CAMTA1: variants seen among roughly 807,000 people sequenced by gnomAD.
CAMTA1 encodes the protein calmodulin-binding transcription activator 1.
CAMTA1 carries 27 observed loss-of-function variants against 170.9 expected under a neutral mutation model. The observed-to-expected ratio is 0.16, with a 90% CI of 0.12 to 0.22. CAMTA1 has a LOEUF of 0.22. Ranked by LOEUF, CAMTA1 falls within the 10% of genes least tolerant of loss-of-function variation. CAMTA1 has a pLI of 1.00. For synonymous variants in CAMTA1, 833 were observed against 891.5 expected (o/e 0.93, Z 1.17); for missense variants, 1,619 against 2,217.2 (o/e 0.73, Z 5.42).
intron 6 of CAMTA1, among the ~76,000 whole-genome samples, chr1:7,541,910 A>G (rs1266455151): frequency 6.6e-6 from 1 of 152,328 alleles, no homozygotes; most frequent in East Asian, 1.9e-4. Flanking sequence ...AGATAAGTCC[A>G]TGAAGTCACC....
intron 3 of CAMTA1, among the ~76,000 whole-genome samples, chr1:6,848,917 C>A (rs1216493248): frequency 6.6e-6 from 1 of 152,100 alleles, no homozygotes; most frequent in Non-Finnish European, 1.5e-5. Context: ...GATAAATGGG[C>A]TCATAGGAGA....
intron 7 of CAMTA1, among the ~76,000 whole-genome samples, chr1:7,657,840 T>G (rs1393132015): frequency 1.3e-5 from 2 of 152,208 alleles, no homozygotes; most frequent in Non-Finnish European, 2.9e-5. Context: ...TAATTTGCAT[T>G]AAGCATCTAG....
intron 4 of CAMTA1, among the ~76,000 whole-genome samples, chr1:7,227,420 T>C (rs1421949882): frequency 6.6e-6 from 1 of 152,072 alleles, no homozygotes; most frequent in Non-Finnish European, 1.5e-5. Context: ...CTCTGCCTTC[T>C]GGGTTCAAGC....
At chr1:7,124,191 C>T (rs1253666644) in intron 4 of CAMTA1, among the ~76,000 whole-genome samples, 1 of 152,144 alleles carries the variant, frequency 6.6e-6, no homozygotes, top group Non-Finnish European at 1.5e-5. Flanking sequence ...CCCTTGGCAA[C>T]AAGCTGTTCT....
At chr1:7,620,554 G>A (rs1441938721) in intron 6 of CAMTA1, among the ~76,000 whole-genome samples, 2 of 152,230 alleles carry the variant, frequency 1.3e-5, no homozygotes, top group East Asian at 3.8e-4. Flanking sequence ...AAAAGAGAGA[G>A]AGAGAATATA....
intron 3 of CAMTA1, among the ~76,000 whole-genome samples, chr1:7,056,645 G>A (rs1274523194): frequency 6.6e-6 from 1 of 152,070 alleles, no homozygotes; most frequent in Non-Finnish European, 1.5e-5. Flanking sequence ...CCTCAAGGGA[G>A]GAGCTCAGAG....
chr1:7,623,089 AC>A (rs1270403043), intron 6 of CAMTA1, among the ~76,000 whole-genome samples: 1 of 151,274 alleles, frequency 6.6e-6, no homozygotes, highest in African/African-American at 2.4e-5. Flanking sequence ...TTCTCCACCC[AC>A]CCCCATTTTT....
chr1:7,750,546 C>T (rs957704014), intron 19 of CAMTA1, among the ~76,000 whole-genome samples: 1 of 152,248 alleles, frequency 6.6e-6, no homozygotes, highest in African/African-American at 2.4e-5. Flanking sequence ...TGTAGCTCTG[C>T]AGCGGGCTGC....
At chr1:7,040,094 C>G (rs1027329748) in intron 3 of CAMTA1, among the ~76,000 whole-genome samples, 2 of 150,114 alleles carry the variant, frequency 1.3e-5, no homozygotes, top group African/African-American at 4.9e-5. Flanking sequence ...GGCGACTTTT[C>G]TTTTTTTGGG....
intron 4 of CAMTA1, among the ~76,000 whole-genome samples, chr1:7,120,731 C>A (rs1260364378): frequency 6.6e-6 from 1 of 152,132 alleles, no homozygotes; most frequent in Non-Finnish European, 1.5e-5. Context: ...TTGCTGCCTC[C>A]CTTTGTGGAG....
At chr1:7,356,369 C>T (rs2085113396) in intron 5 of CAMTA1, among the ~76,000 whole-genome samples, 2 of 152,258 alleles carry the variant, frequency 1.3e-5, no homozygotes. Flanking sequence ...CAGGATCTTC[C>T]TGCCTGGCGC....
At chr1:7,606,452 T>C (rs1340613103) in intron 6 of CAMTA1, among the ~76,000 whole-genome samples, 1 of 152,244 alleles carries the variant, frequency 6.6e-6, no homozygotes, top group Non-Finnish European at 1.5e-5. Flanking sequence ...AAGTGGCCTA[T>C]ATCTACAGCT....
chr1:7,412,097 T>C (rs2149265166), intron 5 of CAMTA1, among the ~76,000 whole-genome samples: 1 of 152,322 alleles, frequency 6.6e-6, no homozygotes, highest in African/African-American at 2.4e-5. Flanking sequence ...CTCATCATTT[T>C]TTATGGCTGC....
At chr1:6,906,359 T>A (rs1027515734) in intron 3 of CAMTA1, among the ~76,000 whole-genome samples, 1 of 152,162 alleles carries the variant, frequency 6.6e-6, no homozygotes, top group Non-Finnish European at 1.5e-5. Flanking sequence ...GCTAGCTACT[T>A]AGAGATGGCA....
At chr1:7,068,641 G>C (rs1429847587) in intron 3 of CAMTA1, among the ~76,000 whole-genome samples, 1 of 151,486 alleles carries the variant, frequency 6.6e-6, no homozygotes, top group Admixed American at 6.6e-5. Flanking sequence ...AAAGTAAAAG[G>C]CACTTTATTG....
chr1:7,430,328 G>A, intron 5 of CAMTA1, among the ~76,000 whole-genome samples: 1 of 151,978 alleles, frequency 6.6e-6, no homozygotes. Context: ...TGATGGCAGT[G>A]GTGATGACAG....
In CAMTA1 at chr1:7,738,047, C is replaced by T; in HGVS notation, c.3747C>T (p.Asn1249=). The T allele has an allele frequency of 6.2e-7, 1 of 1,614,142 alleles. No homozygotes were observed. The highest frequency in any genetic ancestry group is 8.5e-7 in the Non-Finnish European group (1 of 1,180,030). The change falls in exon 16 of 23, where the codon AAC becomes AAT. Residue 1249 remains asparagine, a synonymous_variant. Transcript: ENST00000303635. This position sits in a 1 kb window ranked among gnomAD's most constrained non-coding sequence, Gnocchi z 4.9. ...DYPAPKKHKL[N]PEYFQTRQEK... is the part of the protein sequence containing the mutation. ...CGGCTCCCAAAAAGCATAAATTGAACCCTGAGTACTTCCAGACAAGGCAGG... is the reference window on the plus strand; with the variant it reads ...CGGCTCCCAAAAAGCATAAATTGAATCCTGAGTACTTCCAGACAAGGCAGG...
At position 7,736,989 on chromosome 1, in the gene CAMTA1, C is replaced by T. The variant is rs2096777265; in HGVS notation, c.3322C>T (p.His1108Tyr). Residue 1108 changes from histidine (H) to tyrosine (Y), a missense_variant, in exon 14 of 23, where the codon CAC becomes TAC. His to Tyr is a moderately conservative substitution (Grantham distance 83). This residue lies in a region of CAMTA1 where 60 missense variants were observed against 128.5 expected (regional missense o/e 0.47). Coordinates refer to ENST00000303635, the MANE Select transcript of CAMTA1 (RefSeq NM_015215.4). The surrounding 1 kb of genome is among the most constrained non-coding windows in gnomAD (Gnocchi z 4.5). ...GGAAGTTGACCCCTTGAATGTGGAC[C>T]ACTTCTCCTGTACTCCTCTGGTAAG... Reference protein sequence around the residue: ...ELEVDPLNVDHFSCTPLMWAC... With the variant: ...ELEVDPLNVDYFSCTPLMWAC... 2 of 1,612,518 alleles carry T rather than the reference C, an allele frequency of 1.2e-6. 1 individual carries two copies.
At chr1:6,801,398 T>C (rs1232832831) in intron 1 of CAMTA1, among the ~76,000 whole-genome samples, 1 of 152,176 alleles carries the variant, frequency 6.6e-6, no homozygotes, top group Non-Finnish European at 1.5e-5. Flanking sequence ...ATTTAGCTGC[T>C]CTGGTGCTGC....
Sources: allele counts gnomAD v4.1 joint callset (sites outside exome capture counted in the v4.1 genomes callset), GRCh38; gene constraint gnomAD v4.1.1; regional missense constraint gnomAD v4.1.1; non-coding constraint Gnocchi (gnomAD v3.1); transcripts MANE v1.5; gene names NCBI Gene and HGNC (gene_info 2026-07-23, HGNC 2026-07-21).